MAP7D2: variants seen among roughly 807,000 people sequenced by gnomAD.
MAP7D2 encodes the protein MAP7 domain containing 2.
In MAP7D2, 33 loss-of-function variants were observed where a neutral mutation model predicts 63.5. The observed-to-expected ratio is 0.52, with a 90% CI of 0.39 to 0.70. The LOEUF (loss-of-function observed/expected upper bound fraction) is 0.70. Ranked by LOEUF, MAP7D2 falls within the 30% of genes least tolerant of loss-of-function variation. The probability of loss-of-function intolerance (pLI) is 0.00; values close to 1 mark genes in which losing one functional copy is unlikely to be tolerated. For synonymous variants in MAP7D2, 224 were observed against 223.7 expected (o/e 1.00, Z -0.01); for missense variants, 626 against 604.0 (o/e 1.04, Z -0.38).
intron 1 of MAP7D2, among the ~76,000 whole-genome samples, chrX:20,079,177 A>G (rs1440080924): frequency 9.0e-6 from 1 of 110,860 alleles, no homozygotes; most frequent in Non-Finnish European, 1.9e-5. Flanking sequence ...CCTGTGAAGA[A>G]GTGGGGTGTA....
Position 20,069,558 on chromosome X carries a change from A to G in MAP7D2, c.131-4753T>C, listed in dbSNP as rs377146990. On this transcript the variant is annotated intron_variant, in intron 1 of 16. Coordinates refer to ENST00000379643, the MANE Select transcript of MAP7D2 (RefSeq NM_001168465.2). ...GGACCCAGTTTTACCTTTGAACTCC[A>G]TAAGAACTTATGGAGAACAGATCCA... Among the ~76,000 whole-genome samples the G allele has an allele frequency of 1.0e-4, 11 of 109,804 alleles. No individual in the cohort carries two copies. The South Asian group carries it at 2.8e-3, about 28-fold the overall frequency.
intron 10 of MAP7D2, among the ~76,000 whole-genome samples, chrX:20,019,824 C>G (rs936860541): frequency 9.0e-6 from 1 of 111,551 alleles, no homozygotes; most frequent in Non-Finnish European, 1.9e-5. Context: ...CTTAGGTACC[C>G]TTGTGAGCAT....
At chrX:20,029,809 G>A (rs2073991958) in intron 8 of MAP7D2, among the ~76,000 whole-genome samples, 3 of 107,371 alleles carry the variant, frequency 2.8e-5, no homozygotes, top group Non-Finnish European at 3.8e-5. Flanking sequence ...TTTTTACAGT[G>A]AGTGAACAAA....
chrX:20,051,616 A>C (rs143747852), intron 5 of MAP7D2, among the ~76,000 whole-genome samples: 120 of 111,894 alleles, frequency 1.1e-3, no homozygotes, highest in Middle Eastern at 4.6e-3. Flanking sequence ...GTAGAAAACA[A>C]ATTATGCCTA....
At chrX:20,048,939 A>G (rs755875981) in intron 6 of MAP7D2, among the ~76,000 whole-genome samples, 1 of 108,116 alleles carries the variant, frequency 9.2e-6, no homozygotes, top group African/African-American at 3.5e-5. Flanking sequence ...ATATACATAT[A>G]TATACATATA....
In MAP7D2 at chrX:20,068,443, T is replaced by C. The variant is rs182747303; in HGVS notation, c.131-3638A>G. 2.7e-5 allele frequency among the ~76,000 whole-genome samples: 3 copies of C among 112,350 alleles called. No homozygotes were observed. In the Admixed American group the frequency reaches 2.8e-4, roughly 11 times the overall value. On this transcript the variant is annotated intron_variant, in intron 1 of 16. Transcript: ENST00000379643. ...AAAGCTTCTTCCACACAGCATCTGCTTCTTCTGCTTAATTGTTGAGCAAAC... is the reference window on the plus strand; with the variant it reads ...AAAGCTTCTTCCACACAGCATCTGCCTCTTCTGCTTAATTGTTGAGCAAAC...
intron 10 of MAP7D2, among the ~76,000 whole-genome samples, chrX:20,022,252 G>A (rs1392324459): frequency 1.8e-5 from 2 of 111,794 alleles, no homozygotes; most frequent in Non-Finnish European, 3.8e-5. Context: ...ATGGGTGAAT[G>A]TCAGGGAGCT....
At chrX:20,070,708 T>C (rs973896911) in intron 1 of MAP7D2, among the ~76,000 whole-genome samples, 2 of 111,367 alleles carry the variant, frequency 1.8e-5, no homozygotes, top group African/African-American at 6.5e-5. Context: ...ACAAAAAAAT[T>C]GGAATAAAAC....
rs190997581 is a variant in MAP7D2 at position 20,007,606 on chromosome X, T to C, written c.*819A>G. 1.3e-3 allele frequency: 141 copies of C among 111,086 alleles called. 1 individual carries two copies. Among genetic ancestry groups the C allele is most frequent in the African/African-American group, 4.4e-3 (134 of 30,489 alleles). The allele number at this position is 111,086 out of a possible 1,213,427, so 9.2% of individuals were successfully genotyped here. ...AATAGAAAAAAAATTAGCAAGAACA[T>C]TGAAAACCAACCACCTGCACGCGAG... On this transcript the variant is annotated 3_prime_UTR_variant, in exon 17 of 17. Transcript: ENST00000379643.
At chrX:20,059,522 TGG>T (rs1230675960) in intron 3 of MAP7D2, among the ~76,000 whole-genome samples, 10 of 108,997 alleles carry the variant, frequency 9.2e-5, no homozygotes, top group Admixed American at 4.9e-4. Context: ...CAACAGAGGA[TGG>T]GGAAAGGGCA....
intron 1 of MAP7D2, among the ~76,000 whole-genome samples, chrX:20,110,453 A>G (rs1477638602): frequency 9.1e-6 from 1 of 110,307 alleles, no homozygotes; most frequent in Non-Finnish European, 1.9e-5. Context: ...GCACCACTGC[A>G]CTCCAGCCTG....
chrX:20,061,776 G>C (rs973795838), intron 3 of MAP7D2, among the ~76,000 whole-genome samples: 17 of 112,498 alleles, frequency 1.5e-4, no homozygotes, highest in African/African-American at 4.8e-4. Flanking sequence ...AACAGAAATT[G>C]CCTCAAAAGC....
intron 1 of MAP7D2, among the ~76,000 whole-genome samples, chrX:20,068,739 C>A (rs2065421874): frequency 8.9e-6 from 1 of 111,925 alleles, no homozygotes; most frequent in Non-Finnish European, 1.9e-5. Flanking sequence ...AGAAGTAATG[C>A]TTGATATGGT....
Position 20,063,501 on chromosome X carries a change from C to G in MAP7D2, c.285G>C (p.Trp95Cys). 4.1e-6 allele frequency: 5 copies of G among 1,212,084 alleles called. No individual in the cohort carries two copies. The highest frequency in any genetic ancestry group is 5.6e-6 in the Non-Finnish European group (5 of 895,507). The change falls in exon 3 of 17, where the codon TGG becomes TGC. Residue 95 changes from tryptophan (W) to cysteine (C), a missense_variant. By Grantham distance (215) the Trp-to-Cys change is radical (BLOSUM62 -2). Transcript: ENST00000379643. ...GCTGCCGCTGCTCTTCCAGTTTTCG[C>G]CATCGCTCCTCCATTTGCTTTTCGT... ...LQYEKQMEER[W>C]RKLEEQRQRE...
chrX:20,081,465 T>A (rs900610944), intron 1 of MAP7D2, among the ~76,000 whole-genome samples: 3 of 111,533 alleles, frequency 2.7e-5, no homozygotes, highest in Admixed American at 9.5e-5. Flanking sequence ...GCTCTTTGTC[T>A]CAAGCTGATT....
At chrX:20,072,390 C>T in intron 1 of MAP7D2, among the ~76,000 whole-genome samples, 1 of 111,358 alleles carries the variant, frequency 9.0e-6, no homozygotes, top group Non-Finnish European at 1.9e-5. Flanking sequence ...TCTACCCTCC[C>T]GATGCCCTCT....
At chrX:20,040,773 A>T (rs2064632934) in intron 8 of MAP7D2, among the ~76,000 whole-genome samples, 1 of 111,547 alleles carries the variant, frequency 9.0e-6, no homozygotes, top group African/African-American at 3.3e-5. Context: ...ATCATTGATC[A>T]CAGATCACCA....
At position 20,055,397 on chromosome X, in the gene MAP7D2, GA is replaced by G. The variant is rs377225348; in HGVS notation, c.484+1282del. Among the ~76,000 whole-genome samples, 17 of 111,950 alleles carry G rather than the reference GA, an allele frequency of 1.5e-4. No individual in the cohort carries two copies. In the South Asian group the frequency reaches 3.0e-3, roughly 20 times the overall value. ...AGGTTTTGGTAACCAGAAGTAATCA[GA>G]AATGCCCTGCTTCTTAATGTCTACA... On this transcript the variant is annotated intron_variant, in intron 4 of 16. Transcript: ENST00000379643.
rs116778773 is a variant in MAP7D2 at position 20,053,809 on chromosome X, G to A, written c.485-821C>T. 5.7e-3 allele frequency among the ~76,000 whole-genome samples: 633 copies of A among 111,935 alleles called. 5 individuals carry two copies. The highest frequency in any genetic ancestry group is 0.019 in the African/African-American group (599 of 30,866). ...CCATGAGAACTGCCATAAGAACTGCGATGTTCTATAATTTCTGCTGACCAA... is the reference window on the plus strand; with the variant it reads ...CCATGAGAACTGCCATAAGAACTGCAATGTTCTATAATTTCTGCTGACCAA... On this transcript the variant is annotated intron_variant, in intron 4 of 16. Coordinates refer to ENST00000379643, the MANE Select transcript of MAP7D2 (RefSeq NM_001168465.2).
Sources: gnomAD v4.1 joint callset for allele counts (sites outside exome capture counted in the v4.1 genomes callset) on GRCh38, gnomAD v4.1.1 for gene constraint, MANE v1.5 for transcripts, NCBI Gene and HGNC (gene_info 2026-07-23, HGNC 2026-07-21) for gene names.